Variants in CCDC88A observed in about 807,000 individuals in gnomAD.
CCDC88A encodes girdin.
CCDC88A carries 54 observed loss-of-function variants against 234.3 expected under a neutral mutation model. The observed-to-expected ratio is 0.23, with a 90% confidence interval of 0.19 to 0.29. The LOEUF is 0.29. Ranked by LOEUF, CCDC88A falls within the 10% of genes least tolerant of loss-of-function variation. The pLI is 1.00. For missense variants in CCDC88A, 1,832 were observed against 2,123.4 expected (o/e 0.86, Z 2.70); for synonymous variants, 753 against 737.8 (o/e 1.02, Z -0.33).
At chr2:55,347,179 A>G (rs892148618) in intron 9 of CCDC88A, among the ~76,000 whole-genome samples, 12 of 152,188 alleles carry the variant, frequency 7.9e-5, no homozygotes, top group Admixed American at 7.2e-4. Context: ...CTTCCAAGTA[A>G]AATCATTAGT....
Position 55,296,288 on chromosome 2 carries a change from C to T in CCDC88A, c.5061G>A (p.Leu1687=), listed in dbSNP as rs1680024139. 1.2e-6 allele frequency: 2 copies of T among 1,614,036 alleles called. No individual in the cohort carries two copies. ...GSEVVTLQQF[L]EESNKLTSVQ... is the part of the protein sequence containing the mutation. ...CTGAGGTAAGCTTATTGCTTTCTTCCAAAAACTGTTGTAGAGTAACAACTT... is the reference window on the plus strand; with the variant it reads ...CTGAGGTAAGCTTATTGCTTTCTTCTAAAAACTGTTGTAGAGTAACAACTT... Residue 1687 remains leucine (L), a synonymous_variant, in exon 30 of 33, where the codon TTG becomes TTA. Transcript: ENST00000436346.
intron 25 of CCDC88A, among the ~76,000 whole-genome samples, chr2:55,303,875 T>G (rs915245169): frequency 5.9e-5 from 9 of 152,206 alleles, no homozygotes; most frequent in African/African-American, 2.2e-4. Context: ...TTTTAACTAT[T>G]TTAACTTTTT....
At chr2:55,291,442 A>G in intron 32 of CCDC88A, 1 of 290,918 alleles carries the variant, frequency 3.4e-6, no homozygotes, top group Non-Finnish European at 6.3e-6. Flanking sequence ...CACTAGTAAA[A>G]TTAAATTTAA....
chr2:55,351,382 C>CTGTTA (rs1669868557), intron 8 of CCDC88A, among the ~76,000 whole-genome samples: 1 of 151,952 alleles, frequency 6.6e-6, no homozygotes, highest in South Asian at 2.1e-4. Flanking sequence ...GAGTCTGACT[C>CTGTTA]TGTTACCCAG....
At position 55,419,269 on chromosome 2, in the gene CCDC88A, G is replaced by C. The variant is rs563685957; in HGVS notation, c.-190C>G. 5.3e-6 allele frequency: 3 copies of C among 567,896 alleles called. No homozygotes were observed. The East Asian group carries it at 8.8e-5, about 17-fold the overall frequency. The allele number at this position is 567,896 out of a possible 1,614,324, so 35.2% of individuals were successfully genotyped here. A position where few individuals can be genotyped will look rare whatever the true frequency, so the allele number is the denominator to read the frequency against. On this transcript the variant is annotated 5_prime_UTR_variant, in exon 1 of 33. Transcript: ENST00000436346. ...AGAGTGAAACGAGCCGAAATCCCAA[G>C]AAGTGGCTTCGACGACGGACACCAC... is the stretch of plus-strand genomic sequence containing the variant.
chr2:55,355,872 C>T, intron 7 of CCDC88A, 121 bp from the exon 8 acceptor site: 3 of 676,980 alleles, frequency 4.4e-6, no homozygotes, highest in African/African-American at 1.8e-5. Flanking sequence ...TGGTCAAAAA[C>T]ATCTTAACTA....
At position 55,362,461 on chromosome 2, in the gene CCDC88A, G is replaced by A. The variant is rs1671445260; in HGVS notation, c.487-13C>T. On this transcript the variant is annotated splice_polypyrimidine_tract_variant and intron_variant, in intron 6 of 32. Transcript: ENST00000436346. ...GATTATGAGTTACCTTTAGAAAAGT[G>A]ACCAAAATAAACAACCAAAAAAGTG... The A allele has an allele frequency of 1.9e-6, 3 of 1,592,722 alleles. No homozygotes were observed. Among genetic ancestry groups the A allele is most frequent in the Non-Finnish European group, 2.6e-6 (3 of 1,173,458 alleles).
At chr2:55,329,784 G>C (rs1007452816) in intron 16 of CCDC88A, 9 of 152,262 alleles carry the variant, frequency 5.9e-5, no homozygotes, top group African/African-American at 1.9e-4. Context: ...TTTAGAGACA[G>C]AGTCTCACTC....
At chr2:55,371,985 T>A (rs1376435062) in intron 5 of CCDC88A, among the ~76,000 whole-genome samples, 1 of 152,308 alleles carries the variant, frequency 6.6e-6, no homozygotes, top group Non-Finnish European at 1.5e-5. Flanking sequence ...AAGAGCAATA[T>A]AATAATAAAC....
At chr2:55,380,831 G>C (rs957203061) in intron 3 of CCDC88A, among the ~76,000 whole-genome samples, 1 of 152,104 alleles carries the variant, frequency 6.6e-6, no homozygotes, top group Non-Finnish European at 1.5e-5. Context: ...TGGCCAGGCT[G>C]GTCTCAAACT....
At chr2:55,368,991 A>C (rs1376718857) in intron 5 of CCDC88A, among the ~76,000 whole-genome samples, 1 of 152,158 alleles carries the variant, frequency 6.6e-6, no homozygotes, top group Non-Finnish European at 1.5e-5. Flanking sequence ...TTGGTCACAC[A>C]TTTTATATTA....
At chr2:55,351,093 A>G (rs544258754) in intron 8 of CCDC88A, among the ~76,000 whole-genome samples, 18 of 152,280 alleles carry the variant, frequency 1.2e-4, no homozygotes, top group African/African-American at 3.6e-4. Flanking sequence ...TGTGTATTTC[A>G]GGATAGTTTT....
intron 5 of CCDC88A, among the ~76,000 whole-genome samples, chr2:55,368,761 G>A (rs1441561871): frequency 6.6e-6 from 1 of 152,170 alleles, no homozygotes; most frequent in African/African-American, 2.4e-5. Flanking sequence ...TGACCTAGAT[G>A]TGGGAAAACA....
chr2:55,297,459 G>A (rs1437642530), intron 29 of CCDC88A, among the ~76,000 whole-genome samples: 2 of 130,434 alleles, frequency 1.5e-5, no homozygotes, highest in African/African-American at 5.8e-5. Flanking sequence ...CACCCAGGCT[G>A]GAATGCAGTG....
intron 29 of CCDC88A, chr2:55,297,171 T>C (rs1680141250): frequency 6.9e-6 from 1 of 145,904 alleles, no homozygotes; most frequent in Admixed American, 7.1e-5. Flanking sequence ...AGACTCTGTC[T>C]CAACAATAAA....
At position 55,363,941 on chromosome 2, in the gene CCDC88A, T is replaced by C. The variant is rs1205683607; in HGVS notation, c.486+9A>G. 8 of 1,515,034 alleles carry C rather than the reference T, an allele frequency of 5.3e-6. No homozygotes were observed. The Admixed American group carries it at 1.2e-4, about 23-fold the overall frequency. The allele number at this position is 1,515,034 out of a possible 1,614,324, so 93.8% of individuals were successfully genotyped here. A position where few individuals can be genotyped will look rare whatever the true frequency, so the allele number is the denominator to read the frequency against. ...TAAATAGCACGTAAAATTGTATATA[T>C]GTCATTACCTCTTGAATATGTGCGG... On this transcript the variant is annotated intron_variant, in intron 6 of 32. Coordinates refer to ENST00000436346, the MANE Select transcript of CCDC88A (RefSeq NM_001365480.1).
intron 32 of CCDC88A, chr2:55,291,430 T>C (rs1312846176): frequency 3.8e-6 from 1 of 266,014 alleles, no homozygotes; most frequent in Non-Finnish European, 7.0e-6. Context: ...TAGAACATAA[T>C]TCACTAGTAA....
intron 2 of CCDC88A, among the ~76,000 whole-genome samples, chr2:55,395,454 T>C (rs1215131013): frequency 6.6e-6 from 1 of 152,258 alleles, no homozygotes; most frequent in Non-Finnish European, 1.5e-5. Flanking sequence ...GGTCTTCCAA[T>C]ACTTGGTCTT....
At chr2:55,372,414 T>A in intron 5 of CCDC88A, 38 bp downstream of exon 5, 1 of 981,490 alleles carries the variant, frequency 1.0e-6, no homozygotes, top group Non-Finnish European at 1.6e-6. Context: ...TATAAAGAGG[T>A]TGTTAAAATG....
Sources: allele counts gnomAD v4.1 joint callset (sites outside exome capture counted in the v4.1 genomes callset), GRCh38; gene constraint gnomAD v4.1.1; transcripts MANE v1.5; gene names NCBI Gene and HGNC (gene_info 2026-07-23, HGNC 2026-07-21).